Variants in SLK observed in about 807,000 individuals in gnomAD.
The protein encoded by SLK is STE20-like serine/threonine-protein kinase.
SLK carries 67 observed loss-of-function variants against 147.7 expected under a neutral mutation model. The observed-to-expected ratio is 0.45, with a 90% CI of 0.37 to 0.56. SLK has a LOEUF of 0.56. Ranked by LOEUF, SLK falls within the 20% of genes least tolerant of loss-of-function variation. SLK has a pLI of 0.00. For missense variants in SLK, 1,136 were observed against 1,438.8 expected (o/e 0.79, Z 3.41); for synonymous variants, 441 against 475.0 (o/e 0.93, Z 0.93).
At chr10:103,974,826 A>AT (rs749565693) in intron 1 of SLK, 1,875 of 55,444 alleles carry the variant, frequency 0.034, 181 homozygotes, top group African/African-American at 0.076. Context: ...AATTTTTTCT[A>AT]TTTTTTTTTT....
Position 104,019,070 on chromosome 10 carries a change from G to A in SLK, c.3132+162G>A. On this transcript the variant is annotated intron_variant, in intron 15 of 18. Transcript: ENST00000369755. ...AGTTTGGAGTAATTAATTGTATCTT[G>A]ATCATGATTGCAAACTTCTTTTCTA... 4 of 596,810 alleles carry A rather than the reference G, an allele frequency of 6.7e-6. No homozygotes were observed. In the South Asian group the frequency reaches 1.1e-4, roughly 16 times the overall value. 37.0% of individuals were successfully genotyped at this position (596,810 alleles called of 1,614,324 possible). A position where few individuals can be genotyped will look rare whatever the true frequency, so the allele number is the denominator to read the frequency against.
At chr10:104,013,010 G>GT (rs1298261358) in intron 13 of SLK, among the ~76,000 whole-genome samples, 1 of 152,046 alleles carries the variant, frequency 6.6e-6, no homozygotes, top group Non-Finnish European at 1.5e-5. Context: ...TATAATTTTG[G>GT]TAACAGGCCA....
chr10:103,976,904 G>T (rs1843879169), intron 1 of SLK, among the ~76,000 whole-genome samples: 1 of 152,206 alleles, frequency 6.6e-6, no homozygotes, highest in African/African-American at 2.4e-5. Flanking sequence ...GGGTTTCTCA[G>T]TGTTGGCACT....
chr10:103,974,338 G>A (rs2134443571), intron 1 of SLK, among the ~76,000 whole-genome samples: 1 of 151,796 alleles, frequency 6.6e-6, no homozygotes, highest in South Asian at 2.1e-4. Context: ...TTGGCCGGGC[G>A]CGGTGGCTCA....
intron 4 of SLK, among the ~76,000 whole-genome samples, chr10:103,995,575 T>G (rs1844160448): frequency 1.3e-5 from 2 of 151,420 alleles, no homozygotes; most frequent in Admixed American, 1.3e-4. Context: ...TACAGGCATG[T>G]ACCACCATGC....
At chr10:103,974,349 C>G (rs918860606) in intron 1 of SLK, among the ~76,000 whole-genome samples, 1 of 151,630 alleles carries the variant, frequency 6.6e-6, no homozygotes, top group African/African-American at 2.4e-5. Context: ...CGGTGGCTCA[C>G]GCTTGTAATC....
In SLK at chr10:104,028,996, A is replaced by C. The variant is rs1038702848; in HGVS notation, c.*3276A>C. ...CTGTATTGTTGCTATTCCGTTGCTG[A>C]CATGTTTTTGATAAAGCTTTAACAT... On this transcript the variant is annotated 3_prime_UTR_variant, in exon 19 of 19. Coordinates refer to ENST00000369755, the MANE Select transcript of SLK (RefSeq NM_014720.4). 6.6e-6 allele frequency: 1 copy of C among 152,214 alleles called. No individual in the cohort carries two copies. The highest frequency in any genetic ancestry group is 1.5e-5 in the Non-Finnish European group (1 of 68,038). The allele number at this position is 152,214 out of a possible 1,614,324, so 9.4% of individuals were successfully genotyped here. A position where few individuals can be genotyped will look rare whatever the true frequency, so the allele number is the denominator to read the frequency against.
intron 1 of SLK, among the ~76,000 whole-genome samples, chr10:103,977,570 C>T (rs867502472): frequency 1.3e-5 from 2 of 152,284 alleles, no homozygotes; most frequent in South Asian, 4.1e-4. Context: ...GTGATTGTGC[C>T]ACTGCACTCC....
At chr10:104,013,911 T>G (rs1844430050) in intron 13 of SLK, among the ~76,000 whole-genome samples, 1 of 152,148 alleles carries the variant, frequency 6.6e-6, no homozygotes, top group Non-Finnish European at 1.5e-5. Flanking sequence ...CACCCTAATA[T>G]AGGGATGGAG....
intron 12 of SLK, 96 bp downstream of exon 12, chr10:104,008,452 A>C: frequency 2.6e-6 from 2 of 755,124 alleles, no homozygotes; most frequent in Non-Finnish European, 4.3e-6. Context: ...ATAATACTTG[A>C]GAGTTAAATA....
intron 9 of SLK, among the ~76,000 whole-genome samples, chr10:104,005,118 G>T (rs1844307905): frequency 6.6e-6 from 1 of 150,996 alleles, no homozygotes; most frequent in Non-Finnish European, 1.5e-5. Context: ...TGTCAATTTA[G>T]TTTTTTTTTA....
At chr10:103,975,644 T>C (rs552399408) in intron 1 of SLK, among the ~76,000 whole-genome samples, 30 of 152,364 alleles carry the variant, frequency 2.0e-4, no homozygotes, top group African/African-American at 7.0e-4. Flanking sequence ...TTGCCAAACA[T>C]TATATGAATG....
intron 13 of SLK, among the ~76,000 whole-genome samples, chr10:104,012,724 G>A (rs1178159110): frequency 1.3e-5 from 2 of 152,144 alleles, no homozygotes; most frequent in Admixed American, 1.3e-4. Flanking sequence ...CTACCTACTT[G>A]TGCTGCAACT....
At chr10:104,013,002 T>C (rs1432569819) in intron 13 of SLK, among the ~76,000 whole-genome samples, 1 of 152,252 alleles carries the variant, frequency 6.6e-6, no homozygotes, top group African/African-American at 2.4e-5. Context: ...ATTTTTCATA[T>C]AATTTTGGTA....
At chr10:104,000,465 G>T (rs930088088) in intron 7 of SLK, among the ~76,000 whole-genome samples, 5 of 152,082 alleles carry the variant, frequency 3.3e-5, no homozygotes, top group Non-Finnish European at 7.4e-5. Flanking sequence ...AGTGTTTTAG[G>T]TTGACCTATT....
At position 104,027,929 on chromosome 10, in the gene SLK, C is replaced by G. The variant is rs993533111; in HGVS notation, c.*2209C>G. 2 of 152,136 alleles carry G rather than the reference C, an allele frequency of 1.3e-5. No homozygotes were observed. The highest frequency in any genetic ancestry group is 4.8e-5 in the African/African-American group (2 of 41,416). 9.4% of individuals were successfully genotyped at this position (152,136 alleles called of 1,614,324 possible). On this transcript the variant is annotated 3_prime_UTR_variant, in exon 19 of 19. Coordinates refer to ENST00000369755, the MANE Select transcript of SLK (RefSeq NM_014720.4). ...CAGTGTTTGTGCTTGAGTTCGCTTT[C>G]AAATATGACCATAATCGTGTGGGTG...
intron 1 of SLK, among the ~76,000 whole-genome samples, chr10:103,978,848 T>C (rs540862283): frequency 6.6e-6 from 1 of 152,304 alleles, no homozygotes; most frequent in African/African-American, 2.4e-5. Flanking sequence ...TTAATTTGAG[T>C]GCTTTCTTTA....
intron 3 of SLK, 51 bp from the exon 4 acceptor site, chr10:103,992,933 A>G (rs1344599714): frequency 7.3e-7 from 1 of 1,365,292 alleles, no homozygotes; most frequent in Non-Finnish European, 1.0e-6. Context: ...GCCTGCTAAT[A>G]TGTTTTCACT....
At position 104,029,027 on chromosome 10, in the gene SLK, C is replaced by T. The variant is rs1844633553; in HGVS notation, c.*3307C>T. The T allele has an allele frequency of 1.3e-5, 2 of 152,194 alleles. No homozygotes were observed. Among genetic ancestry groups the T allele is most frequent in the African/African-American group, 2.4e-5 (1 of 41,438 alleles). The allele number at this position is 152,194 out of a possible 1,614,324, so 9.4% of individuals were successfully genotyped here. A position where few individuals can be genotyped will look rare whatever the true frequency, so the allele number is the denominator to read the frequency against. ...TTTTGATAAAGCTTTAACATTCCTG[C>T]TACTAATTTTGGCGGAGAGTGTTTG... On this transcript the variant is annotated 3_prime_UTR_variant, in exon 19 of 19. Coordinates refer to ENST00000369755, the MANE Select transcript of SLK (RefSeq NM_014720.4).
Sources: allele counts gnomAD v4.1 joint callset (sites outside exome capture counted in the v4.1 genomes callset), GRCh38; gene constraint gnomAD v4.1.1; transcripts MANE v1.5; gene names NCBI Gene and HGNC (gene_info 2026-07-23, HGNC 2026-07-21).